The following CRIPTO variants were observed in gnomAD, a reference collection of about 807,000 sequenced individuals.
CRIPTO encodes protein Cripto.
chr3:46,578,326 T>C, the CRIPTO span, among the ~76,000 whole-genome samples: 1 of 144,354 alleles, frequency 6.9e-6, no homozygotes, highest in South Asian at 2.2e-4. Context: ...ATTAAAGGTA[T>C]AAGCAGATTC....
At chr3:46,576,323 C>T in the CRIPTO span, among the ~76,000 whole-genome samples, 1 of 151,730 alleles carries the variant, frequency 6.6e-6, no homozygotes, top group African/African-American at 2.4e-5. Context: ...CAAAAATTAG[C>T]CGGGCGTTGT....
chr3:46,579,436 T>C, the CRIPTO span: 1 of 1,612,424 alleles, frequency 6.2e-7, no homozygotes, highest in Non-Finnish European at 8.5e-7. Flanking sequence ...TTTCCAACAC[T>C]CTTTCACCTA....
the CRIPTO span, chr3:46,580,021 C>T: frequency 6.2e-7 from 1 of 1,614,260 alleles, no homozygotes; most frequent in East Asian, 2.2e-5. Context: ...CTGGCACGGT[C>T]AGCTCCGCTG....
the CRIPTO span, chr3:46,578,009 G>A: frequency 6.2e-7 from 1 of 1,614,016 alleles, no homozygotes; most frequent in African/African-American, 1.3e-5. Flanking sequence ...TTACAGGTAT[G>A]AGCTAATCTT....
At chr3:46,578,020 G>A in the CRIPTO span, 2 of 1,613,796 alleles carry the variant, frequency 1.2e-6, no homozygotes, top group Non-Finnish European at 1.7e-6. Flanking sequence ...AGCTAATCTT[G>A]AATGTGAACT....
the CRIPTO span, chr3:46,579,871 G>C: frequency 1.2e-6 from 2 of 1,614,208 alleles, no homozygotes; most frequent in Admixed American, 1.7e-5. Context: ...ATTCAGAGGG[G>C]CGGGGAGCCG....
the CRIPTO span, chr3:46,579,570 G>T: frequency 1.7e-6 from 2 of 1,166,568 alleles, no homozygotes; most frequent in East Asian, 2.4e-5. Flanking sequence ...ACTTCACACT[G>T]GGGAACCCAG....
the CRIPTO span, among the ~76,000 whole-genome samples, chr3:46,578,784 T>A: frequency 0.052 from 7,951 of 152,224 alleles, 732 homozygotes; most frequent in African/African-American, 0.18. Flanking sequence ...AATCCTTATA[T>A]GAAAATTGTA....
At chr3:46,576,192 G>A in the CRIPTO span, among the ~76,000 whole-genome samples, 1 of 152,160 alleles carries the variant, frequency 6.6e-6, no homozygotes, top group Non-Finnish European at 1.5e-5. Context: ...GTGTAAGGCC[G>A]GGCGCGGTAG....
the CRIPTO span, chr3:46,581,511 T>TTC: frequency 2.0e-5 from 2 of 101,760 alleles, no homozygotes; most frequent in South Asian, 5.3e-4. Context: ...CCAGTGTTTC[T>TTC]TTTTTTTTTT....
the CRIPTO span, chr3:46,579,479 C>T: frequency 2.5e-6 from 4 of 1,568,780 alleles, no homozygotes; most frequent in Non-Finnish European, 3.5e-6. Context: ...TGTGCAGGTG[C>T]TGGACTGCTT....
At chr3:46,579,942 C>A in the CRIPTO span, 1 of 1,614,200 alleles carries the variant, frequency 6.2e-7, no homozygotes, top group Admixed American at 1.7e-5. Flanking sequence ...CTTACCTGTT[C>A]ATTCTCAGGA....
chr3:46,577,193 C>T, the CRIPTO span: 1 of 152,394 alleles, frequency 6.6e-6, no homozygotes, highest in African/African-American at 2.4e-5. Flanking sequence ...GGAATTTGCA[C>T]TTCAAGTCTG....
At chr3:46,580,245 C>A in the CRIPTO span, 1 of 751,732 alleles carries the variant, frequency 1.3e-6, no homozygotes, top group Non-Finnish European at 2.2e-6. Context: ...TATTTATTTC[C>A]TCGGGAACCT....
chr3:46,579,341 T>C, the CRIPTO span: 169 of 1,614,048 alleles, frequency 1.0e-4, no homozygotes, highest in Middle Eastern at 1.6e-4. Flanking sequence ...CTTCCCAGCG[T>C]GTGCCGCCCA....
the CRIPTO span, chr3:46,581,048 G>A: frequency 1.0e-6 from 1 of 985,006 alleles, no homozygotes; most frequent in East Asian, 2.4e-5. Flanking sequence ...GTTCACAGTA[G>A]CGTATAGATA....
the CRIPTO span, chr3:46,580,118 G>T: frequency 1.2e-6 from 2 of 1,611,652 alleles, no homozygotes; most frequent in Non-Finnish European, 1.7e-6. Context: ...TGCCTTGGGG[G>T]GTGCTTAGTT....
the CRIPTO span, chr3:46,578,000 T>C: frequency 1.9e-6 from 3 of 1,614,220 alleles, no homozygotes; most frequent in Non-Finnish European, 2.5e-6. Context: ...CCGCTTCTCT[T>C]ACAGGTATGA....
the CRIPTO span, chr3:46,579,615 C>A: frequency 7.9e-7 from 1 of 1,269,484 alleles, no homozygotes; most frequent in Non-Finnish European, 1.1e-6. Flanking sequence ...AATGACTTCT[C>A]TGCTCAAAGG....
Sources: allele counts gnomAD v4.1 joint callset (sites outside exome capture counted in the v4.1 genomes callset), GRCh38; gene constraint gnomAD v4.1.1; transcripts MANE v1.5; gene names NCBI Gene and HGNC (gene_info 2026-07-23, HGNC 2026-07-21).